CHSY3: variants seen among roughly 807,000 people sequenced by gnomAD.
CHSY3 encodes the protein chondroitin sulfate synthase 3, also known as N-acetylgalactosaminyl-proteoglycan 3-beta-glucuronosyltransferase 3.
Under a neutral mutation model 67.2 loss-of-function variants are expected in CHSY3, and 35 were observed. The observed-to-expected ratio is 0.52, with a 90% CI of 0.40 to 0.69. The LOEUF is 0.69. Ranked by LOEUF, CHSY3 falls within the 30% of genes least tolerant of loss-of-function variation. The pLI, the probability that CHSY3 is intolerant of heterozygous loss-of-function variation, is 0.00. For missense variants in CHSY3, 1,069 were observed against 1,138.5 expected (o/e 0.94, Z 0.88); for synonymous variants, 474 against 434.7 (o/e 1.09, Z -1.12).
chr5:130,083,533 A>G (rs1202963899), intron 2 of CHSY3, among the ~76,000 whole-genome samples: 1 of 152,088 alleles, frequency 6.6e-6, no homozygotes, highest in Non-Finnish European at 1.5e-5. Flanking sequence ...TATGACAAGA[A>G]AAATATTAAA....
At chr5:129,967,673 T>C (rs1216107590) in intron 2 of CHSY3, among the ~76,000 whole-genome samples, 3 of 151,808 alleles carry the variant, frequency 2.0e-5, no homozygotes, top group Non-Finnish European at 4.4e-5. Flanking sequence ...GCATGTGATT[T>C]GGGAGAGTGG....
At chr5:129,977,368 A>G (rs1762843652) in intron 2 of CHSY3, among the ~76,000 whole-genome samples, 2 of 152,216 alleles carry the variant, frequency 1.3e-5, no homozygotes, top group East Asian at 3.8e-4. Context: ...ATTTGGGAAC[A>G]GATTACTTGG....
intron 2 of CHSY3, among the ~76,000 whole-genome samples, chr5:130,008,681 A>G (rs1763957236): frequency 6.6e-6 from 1 of 152,234 alleles, no homozygotes; most frequent in Admixed American, 6.5e-5. Flanking sequence ...GATCATTGAA[A>G]TTCAGGAGAA....
chr5:129,995,862 C>G (rs73785842), intron 2 of CHSY3, among the ~76,000 whole-genome samples: 3,140 of 152,024 alleles, frequency 0.021, 100 homozygotes, highest in African/African-American at 0.072. Flanking sequence ...CTCCCTTTCC[C>G]TCTCCCAACT....
chr5:130,108,000 T>C (rs965251497), intron 2 of CHSY3, among the ~76,000 whole-genome samples: 4 of 151,714 alleles, frequency 2.6e-5, no homozygotes, highest in African/African-American at 9.7e-5. Context: ...CAAAATAATT[T>C]ATCAACCAAC....
chr5:129,913,428 A>T (rs1374114662), intron 2 of CHSY3, among the ~76,000 whole-genome samples: 1 of 152,198 alleles, frequency 6.6e-6, no homozygotes, highest in Non-Finnish European at 1.5e-5. Context: ...TGGCCATTAA[A>T]ATTGTATATC....
At chr5:130,116,508 T>C (rs1767807763) in intron 2 of CHSY3, among the ~76,000 whole-genome samples, 1 of 152,244 alleles carries the variant, frequency 6.6e-6, no homozygotes, top group African/African-American at 2.4e-5. Flanking sequence ...GTAACTTTAA[T>C]AGTCTGAGCA....
At chr5:129,982,365 A>AT (rs1763045467) in intron 2 of CHSY3, among the ~76,000 whole-genome samples, 2 of 152,104 alleles carry the variant, frequency 1.3e-5, no homozygotes, top group South Asian at 4.2e-4. Flanking sequence ...ATAATTGCAA[A>AT]TTTTTTTAAC....
intron 2 of CHSY3, among the ~76,000 whole-genome samples, chr5:130,138,455 A>G (rs887030325): frequency 6.6e-6 from 1 of 152,104 alleles, no homozygotes; most frequent in Non-Finnish European, 1.5e-5. Flanking sequence ...GATGTAGGGA[A>G]CTCAGAGGCC....
At chr5:130,001,904 A>G in intron 2 of CHSY3, 3 of 911,596 alleles carry the variant, frequency 3.3e-6, no homozygotes, top group Non-Finnish European at 3.9e-6. Context: ...AAGCTGAAAC[A>G]GTCACTTAAA....
Position 130,184,597 on chromosome 5 carries a change from G to C in CHSY3, c.1455G>C (p.Gln485His). The change falls in exon 3 of 3, where the codon CAG becomes CAC. Residue 485 changes from glutamine to histidine, a missense_variant. Transcript: ENST00000305031. ...YSAAENQPPR[Q>H]SLSSILRTAL... ...CAGCTGAGAACCAGCCCCCTCGACAGAGCCTCAGTAGCATTTTAAGAACAG... is the reference window on the plus strand; with the variant it reads ...CAGCTGAGAACCAGCCCCCTCGACACAGCCTCAGTAGCATTTTAAGAACAG... The C allele has an allele frequency of 6.2e-7, 1 of 1,612,304 alleles. No individual in the cohort carries two copies.
chr5:130,102,201 GATTC>G (rs1349385989), intron 2 of CHSY3, among the ~76,000 whole-genome samples: 27 of 151,980 alleles, frequency 1.8e-4, no homozygotes, highest in African/African-American at 5.6e-4. Context: ...AAAACATCAA[GATTC>G]TGGCAGTAAG....
At chr5:130,092,749 G>A (rs1766920788) in intron 2 of CHSY3, among the ~76,000 whole-genome samples, 1 of 152,148 alleles carries the variant, frequency 6.6e-6, no homozygotes. Context: ...AGGTGCTGTG[G>A]CAGAGGAGAT....
At chr5:130,032,127 A>G (rs1311457781) in intron 2 of CHSY3, among the ~76,000 whole-genome samples, 2 of 152,158 alleles carry the variant, frequency 1.3e-5, no homozygotes, top group Non-Finnish European at 2.9e-5. Context: ...ACATAAATGC[A>G]TATGTATGGG....
intron 2 of CHSY3, among the ~76,000 whole-genome samples, chr5:130,133,810 A>AGAG (rs1561552344): frequency 7.4e-6 from 1 of 134,846 alleles, no homozygotes; most frequent in Non-Finnish European, 1.6e-5. Flanking sequence ...AAAAAAAAAA[A>AGAG]GGCTGTCAAC....
chr5:130,017,372 G>GC (rs1764245950), intron 2 of CHSY3, among the ~76,000 whole-genome samples: 1 of 151,942 alleles, frequency 6.6e-6, no homozygotes, highest in African/African-American at 2.4e-5. Flanking sequence ...TCTCTTCATT[G>GC]CCCCAGGCTT....
chr5:129,990,855 G>A (rs181412869), intron 2 of CHSY3, among the ~76,000 whole-genome samples: 1 of 152,052 alleles, frequency 6.6e-6, no homozygotes, highest in African/African-American at 2.4e-5. Flanking sequence ...GCAGTAAGGT[G>A]GTAACATGAT....
chr5:130,034,098 A>G (rs751636315), intron 2 of CHSY3, among the ~76,000 whole-genome samples: 74 of 152,084 alleles, frequency 4.9e-4, no homozygotes, highest in Non-Finnish European at 8.7e-4. Context: ...CGTTCCCCAG[A>G]TGTTTGTTTG....
rs78560400 is a variant in CHSY3, at chr5:130,035,461, A to G, written c.1086+127101A>G. On this transcript the variant is annotated intron_variant, in intron 2 of 2. Transcript: ENST00000305031. The stretch of plus-strand genomic sequence containing the variant: ...CATTTGGTATTTATTTGTCAGTAAT[A>G]CAAGGTATTGCAGAGAAAAACAAAC... Among the ~76,000 whole-genome samples, 7 of 152,288 alleles carry G rather than the reference A, an allele frequency of 4.6e-5. No homozygotes were observed. The East Asian group carries it at 1.4e-3, about 29-fold the overall frequency.
Sources: allele counts gnomAD v4.1 joint callset (sites outside exome capture counted in the v4.1 genomes callset), GRCh38; gene constraint gnomAD v4.1.1; transcripts MANE v1.5; gene names NCBI Gene and HGNC (gene_info 2026-07-23, HGNC 2026-07-21).